ARIH1: variants seen among roughly 807,000 people sequenced by gnomAD.
ARIH1 encodes the protein E3 ubiquitin-protein ligase ARIH1.
In ARIH1, 8 loss-of-function variants were observed where a neutral mutation model predicts 85.0. The observed-to-expected ratio is 0.09, with a 90% CI of 0.06 to 0.17. ARIH1 has a LOEUF of 0.17. Ranked by LOEUF, ARIH1 falls within the 10% of genes least tolerant of loss-of-function variation. The probability of loss-of-function intolerance (pLI) is 1.00; values close to 1 mark genes in which losing one functional copy is unlikely to be tolerated. For missense variants in ARIH1, 311 were observed against 718.1 expected (o/e 0.43, Z 6.48); for synonymous variants, 238 against 253.6 (o/e 0.94, Z 0.59).
intron 2 of ARIH1, among the ~76,000 whole-genome samples, chr15:72,520,130 G>A (rs770188330): frequency 6.6e-6 from 1 of 152,120 alleles, no homozygotes; most frequent in Non-Finnish European, 1.5e-5. Flanking sequence ...TAAAAAAATA[G>A]GTGGTAAGTG....
chr15:72,483,938 G>A (rs956774889), intron 1 of ARIH1, among the ~76,000 whole-genome samples: 4 of 151,890 alleles, frequency 2.6e-5, no homozygotes, highest in African/African-American at 7.3e-5. Context: ...TTGGGAGGCC[G>A]AGGCAGGCGG....
chr15:72,587,082 C>T lies in ARIH1; in HGVS notation c.*3790C>T, dbSNP rs941721332. ...TGGATCTGTAATTATGGGAGTTTATCACTTTTCCTCTTCAAAGCACTTCAA... is the reference window on the plus strand; with the variant it reads ...TGGATCTGTAATTATGGGAGTTTATTACTTTTCCTCTTCAAAGCACTTCAA... On this transcript the variant is annotated 3_prime_UTR_variant, in exon 14 of 14. Coordinates refer to ENST00000379887, the MANE Select transcript of ARIH1 (RefSeq NM_005744.5). The T allele has an allele frequency of 7.3e-6, 3 of 409,900 alleles. No individual in the cohort carries two copies. Among genetic ancestry groups the T allele is most frequent in the Non-Finnish European group, 1.4e-5 (3 of 210,876 alleles). The allele number at this position is 409,900 out of a possible 1,614,324, so 25.4% of individuals were successfully genotyped here.
At chr15:72,508,041 A>G (rs545170014) in intron 1 of ARIH1, among the ~76,000 whole-genome samples, 19 of 152,300 alleles carry the variant, frequency 1.2e-4, no homozygotes, top group South Asian at 6.2e-4. Flanking sequence ...GGATGAAAAT[A>G]TATATATTCA....
At chr15:72,542,730 A>T (rs946343377) in intron 2 of ARIH1, among the ~76,000 whole-genome samples, 5 of 152,182 alleles carry the variant, frequency 3.3e-5, no homozygotes, top group Non-Finnish European at 5.9e-5. Context: ...TACTCATAGA[A>T]TGCTGTCTAG....
chr15:72,584,425 T>C lies in ARIH1; in HGVS notation c.*1133T>C, dbSNP rs1410265372. On this transcript the variant is annotated 3_prime_UTR_variant, in exon 14 of 14. Coordinates refer to ENST00000379887, the MANE Select transcript of ARIH1 (RefSeq NM_005744.5). Reference sequence around the variant, plus strand: ...CAGTGGAAGCATTTTAAAATTTCTTTTACTTTTTGGTTTTCCCTTAATTGC... The same window carrying C: ...CAGTGGAAGCATTTTAAAATTTCTTCTACTTTTTGGTTTTCCCTTAATTGC... 1 of 152,226 alleles carries C rather than the reference T, an allele frequency of 6.6e-6. No individual in the cohort carries two copies. Among genetic ancestry groups the C allele is most frequent in the East Asian group, 1.9e-4 (1 of 5,202 alleles). 9.4% of individuals were successfully genotyped at this position (152,226 alleles called of 1,614,324 possible). A position where few individuals can be genotyped will look rare whatever the true frequency, so the allele number is the denominator to read the frequency against.
chr15:72,498,664 C>G (rs895099205), intron 1 of ARIH1, among the ~76,000 whole-genome samples: 8 of 151,902 alleles, frequency 5.3e-5, no homozygotes, highest in Non-Finnish European at 8.8e-5. Context: ...ACCAACATGG[C>G]GAAACCCCGT....
rs530294772 is a variant in ARIH1, at chr15:72,591,407, A to G, written c.*8115A>G. 1 of 152,298 alleles carries G rather than the reference A, an allele frequency of 6.6e-6. No homozygotes were observed. The highest frequency in any genetic ancestry group is 2.1e-4 in the South Asian group (1 of 4,832). 9.4% of individuals were successfully genotyped at this position (152,298 alleles called of 1,614,324 possible). On this transcript the variant is annotated 3_prime_UTR_variant, in exon 14 of 14. Transcript: ENST00000379887. ...TGCCCTATAAGCCAGTTCAGTGCACATTAAATGGCTGTTCTTAGAATTATG... is the reference window on the plus strand; with the variant it reads ...TGCCCTATAAGCCAGTTCAGTGCACGTTAAATGGCTGTTCTTAGAATTATG...
intron 1 of ARIH1, among the ~76,000 whole-genome samples, chr15:72,481,999 G>C (rs2063818401): frequency 6.6e-6 from 1 of 151,994 alleles, no homozygotes; most frequent in African/African-American, 2.4e-5. Flanking sequence ...ACTACGCCCG[G>C]CTAATTTTGT....
chr15:72,572,937 A>G (rs554430489), intron 11 of ARIH1, among the ~76,000 whole-genome samples: 1 of 152,190 alleles, frequency 6.6e-6, no homozygotes, highest in East Asian at 1.9e-4. Context: ...AAGGGATCCA[A>G]ACACTAGGTG....
chr15:72,512,787 G>T (rs980565012), intron 1 of ARIH1, among the ~76,000 whole-genome samples: 1 of 151,700 alleles, frequency 6.6e-6, no homozygotes, highest in Non-Finnish European at 1.5e-5. Context: ...AGCAAAAGAT[G>T]GTTTAATTTG....
At position 72,521,881 on chromosome 15, in the gene ARIH1, G is replaced by A. The variant is rs528217527; in HGVS notation, c.443+3747G>A. On this transcript the variant is annotated intron_variant, in intron 2 of 13. Transcript: ENST00000379887. ...TAACTTTCTAAAAAATACTTCTTCT[G>A]TATTCATCTCCCCACCCCCAGCACT... is the stretch of plus-strand genomic sequence containing the variant. 2.0e-5 allele frequency among the ~76,000 whole-genome samples: 3 copies of A among 152,204 alleles called. No individual in the cohort carries two copies. In the South Asian group the frequency reaches 6.2e-4, roughly 32 times the overall value.
chr15:72,548,316 T>C (rs1242596371), intron 3 of ARIH1, among the ~76,000 whole-genome samples: 1 of 152,174 alleles, frequency 6.6e-6, no homozygotes, highest in African/African-American at 2.4e-5. Flanking sequence ...AGAGAGAATG[T>C]ACTTTCAAGA....
intron 1 of ARIH1, among the ~76,000 whole-genome samples, chr15:72,502,471 T>C (rs1217781770): frequency 6.6e-6 from 1 of 152,172 alleles, no homozygotes; most frequent in African/African-American, 2.4e-5. Context: ...CAACAGTTAA[T>C]TGAAACTTGT....
chr15:72,583,156 TTTA>T (rs2064301188), intron 13 of ARIH1, 49 bp from the exon 14 acceptor site: 1 of 1,415,778 alleles, frequency 7.1e-7, no homozygotes. Context: ...TGCCTCTTTT[TTTA>T]TTATTAGAGG....
chr15:72,600,546 G>A lies in ARIH1; in HGVS notation c.*17254G>A, dbSNP rs2064378872. On this transcript the variant is annotated 3_prime_UTR_variant, in exon 14 of 14. Coordinates refer to ENST00000379887, the MANE Select transcript of ARIH1 (RefSeq NM_005744.5). ...CTACAGACACATGCCATCATGCCAG[G>A]CTCATTTTAAAATTTTTTGTAGAGA... 6.6e-6 allele frequency: 1 copy of A among 152,112 alleles called. No homozygotes were observed. The highest frequency in any genetic ancestry group is 1.5e-5 in the Non-Finnish European group (1 of 68,022). 9.4% of individuals were successfully genotyped at this position (152,112 alleles called of 1,614,324 possible).
intron 11 of ARIH1, among the ~76,000 whole-genome samples, chr15:72,573,572 T>TA (rs1464025127): frequency 1.8e-4 from 27 of 151,938 alleles, no homozygotes; most frequent in Non-Finnish European, 2.8e-4. Context: ...AAATAAATAA[T>TA]AAAATGACTG....
intron 2 of ARIH1, among the ~76,000 whole-genome samples, chr15:72,527,009 T>C (rs1029632815): frequency 3.3e-5 from 5 of 152,220 alleles, no homozygotes; most frequent in Admixed American, 6.5e-5. Context: ...ACAACTGTTA[T>C]CTGTCAAGTC....
intron 3 of ARIH1, among the ~76,000 whole-genome samples, chr15:72,550,813 A>G (rs1025950565): frequency 6.6e-6 from 1 of 152,054 alleles, no homozygotes; most frequent in Admixed American, 6.6e-5. Context: ...CTGGGATTAT[A>G]GGTGTGTGCC....
rs536265117 is a variant in ARIH1 at position 72,519,469 on chromosome 15, T to G, written c.443+1335T>G. On this transcript the variant is annotated intron_variant, in intron 2 of 13. Coordinates refer to ENST00000379887, the MANE Select transcript of ARIH1 (RefSeq NM_005744.5). ...TCTTTTTATGCATTCTGACCATGTT[T>G]TTTTTGTTTTTTTTTTTTTTTTTTT... Among the ~76,000 whole-genome samples, 255 of 130,384 alleles carry G rather than the reference T, an allele frequency of 2.0e-3. 1 individual carries two copies. The highest frequency in any genetic ancestry group is 6.8e-3 in the African/African-American group (244 of 35,768). 85.5% of individuals were successfully genotyped at this position (130,384 alleles called of 152,430 possible).
Sources: allele counts gnomAD v4.1 joint callset (sites outside exome capture counted in the v4.1 genomes callset), GRCh38; gene constraint gnomAD v4.1.1; transcripts MANE v1.5; gene names NCBI Gene and HGNC (gene_info 2026-07-23, HGNC 2026-07-21).